Variants in DAB2 observed in about 807,000 individuals in gnomAD.
The protein encoded by DAB2 is disabled homolog 2.
A neutral mutation model predicts 71.6 loss-of-function variants in DAB2; 28 were observed. The observed-to-expected ratio is 0.39, with a 90% CI of 0.29 to 0.54. The LOEUF (loss-of-function observed/expected upper bound fraction) is 0.54, where lower values mean the gene tolerates loss of function less well. Ranked by LOEUF, DAB2 falls within the 20% of genes least tolerant of loss-of-function variation. DAB2 has a pLI of 0.68. For missense variants in DAB2, 867 were observed against 928.8 expected, an observed-to-expected ratio of 0.93 and a Z score of 0.86; for synonymous variants, 345 against 339.7, an observed-to-expected ratio of 1.02 and a Z score of -0.17.
chr5:39,391,631 CACA>C (rs1431781327), intron 4 of DAB2, among the ~76,000 whole-genome samples: 1 of 151,902 alleles, frequency 6.6e-6, no homozygotes, highest in Non-Finnish European at 1.5e-5. Context: ...ATGAGCCACA[CACA>C]ACATTTTAAA....
At position 39,376,630 on chromosome 5, in the gene DAB2, C is replaced by T. The variant is rs560827797; in HGVS notation, c.2137+20G>A. 1 of 1,609,576 alleles carries T rather than the reference C, an allele frequency of 6.2e-7. No homozygotes were observed. Among genetic ancestry groups the T allele is most frequent in the Non-Finnish European group, 8.5e-7 (1 of 1,177,880 alleles). On this transcript the variant is annotated intron_variant, in intron 12 of 14. Transcript: ENST00000320816. ...TGGAGATAGTTGTTGGAACAGTAGG[C>T]AGAGTGGTGAGTGGCTTACCATTGA...
intron 1 of DAB2, among the ~76,000 whole-genome samples, chr5:39,406,809 A>G (rs1755618636): frequency 6.6e-6 from 1 of 152,214 alleles, no homozygotes; most frequent in Non-Finnish European, 1.5e-5. Flanking sequence ...AATTTTCTAA[A>G]GAACGAACAA....
Position 39,382,761 on chromosome 5 carries a change from C to T in DAB2, c.1198G>A (p.Gly400Arg). The change falls in exon 10 of 15, where the codon GGA becomes AGA. Residue 400 changes from glycine to arginine, a missense_variant. Gly to Arg is a moderately radical substitution (Grantham distance 125, BLOSUM62 -2). This residue lies in a region of DAB2 where 740 missense variants were observed against 734.3 expected (regional missense o/e 1.01). Coordinates refer to ENST00000320816, the MANE Select transcript of DAB2 (RefSeq NM_001343.4). ...ATGGACAGTCCTTTGGGAGGGCTTC[C>T]CACAAAAGGGTTCGGGGAGGATTTG... ...SVKSSPNPFV[G>R]SPPKGLSIQN... 6.2e-7 allele frequency: 1 copy of T among 1,614,124 alleles called. No individual in the cohort carries two copies.
At chr5:39,375,284 T>G (rs908754845) in intron 13 of DAB2, among the ~76,000 whole-genome samples, 200 bp from the exon 14 acceptor site, 9 of 152,184 alleles carry the variant, frequency 5.9e-5, no homozygotes, top group Non-Finnish European at 8.8e-5. Flanking sequence ...AAATCAAGGT[T>G]CAGATGCATT....
At chr5:39,388,679 GT>G in intron 8 of DAB2, 119 bp downstream of exon 8, 1 of 802,342 alleles carries the variant, frequency 1.2e-6, no homozygotes, top group South Asian at 1.8e-5. Context: ...TTGAAAAACA[GT>G]TGTCTCAATT....
At chr5:39,416,698 G>A (rs1327638456) in intron 1 of DAB2, among the ~76,000 whole-genome samples, 2 of 151,928 alleles carry the variant, frequency 1.3e-5, no homozygotes, top group East Asian at 1.9e-4. Flanking sequence ...AGTCTTTACC[G>A]GCCTCTTACC....
chr5:39,379,588 T>A (rs1260593711), intron 11 of DAB2, among the ~76,000 whole-genome samples: 1 of 151,976 alleles, frequency 6.6e-6, no homozygotes, highest in East Asian at 1.9e-4. Flanking sequence ...ATTGAACACA[T>A]TGACAAAGTA....
intron 11 of DAB2, among the ~76,000 whole-genome samples, chr5:39,378,458 C>T (rs1347475882): frequency 4.6e-5 from 7 of 152,144 alleles, no homozygotes; most frequent in Admixed American, 6.5e-5. Flanking sequence ...GGGTTAGGGA[C>T]GTTTATGTTT....
intron 11 of DAB2, among the ~76,000 whole-genome samples, chr5:39,381,125 A>G (rs903727098): frequency 6.6e-6 from 1 of 152,206 alleles, no homozygotes; most frequent in African/African-American, 2.4e-5. Flanking sequence ...AGCCTCTCTT[A>G]TGTCAACCCT....
rs1258096092 is a variant in DAB2, at chr5:39,422,546, A to C, written c.-102+2258T>G. Among the ~76,000 whole-genome samples the C allele has an allele frequency of 6.6e-6, 1 of 152,218 alleles. No individual in the cohort carries two copies. The highest frequency in any genetic ancestry group is 1.5e-5 in the Non-Finnish European group (1 of 68,042). ...AGTGGTAGCAAACTTAGGTTTATGG[A>C]CATATGAGGGTAGAGTTAGAAATGA... On this transcript the variant is annotated intron_variant, in intron 1 of 14. Transcript: ENST00000320816. The surrounding 1 kb of genome is among the most constrained non-coding windows in gnomAD (Gnocchi z 4.1).
At chr5:39,378,251 A>G (rs910997311) in intron 11 of DAB2, among the ~76,000 whole-genome samples, 2 of 152,190 alleles carry the variant, frequency 1.3e-5, no homozygotes, top group African/African-American at 2.4e-5. Flanking sequence ...CGCTCCCTGC[A>G]TCTTGTTCTA....
chr5:39,390,679 T>G (rs1579909819), intron 4 of DAB2, 104 bp from the exon 5 acceptor site: 1 of 765,324 alleles, frequency 1.3e-6, no homozygotes, highest in East Asian at 2.9e-5. Context: ...ATATGAAAAG[T>G]TTAAACCATT....
At chr5:39,394,069 T>A (rs1755298998) in intron 2 of DAB2, among the ~76,000 whole-genome samples, 161 bp downstream of exon 2, 1 of 152,156 alleles carries the variant, frequency 6.6e-6, no homozygotes, top group Non-Finnish European at 1.5e-5. Flanking sequence ...GATGAACCAG[T>A]CTCTTCTCCC....
chr5:39,418,482 A>G (rs1414692916), intron 1 of DAB2: 1 of 152,190 alleles, frequency 6.6e-6, no homozygotes, highest in Non-Finnish European at 1.5e-5. Context: ...TAGAACCGAG[A>G]GGGCAGCTGT....
At chr5:39,393,429 A>C (rs1356389852) in intron 2 of DAB2, 36 bp from the exon 3 acceptor site, 3 of 1,609,808 alleles carry the variant, frequency 1.9e-6, no homozygotes, top group South Asian at 1.1e-5. Context: ...GAAGAATGCT[A>C]GTTCTAATTA....
rs1026956071 is a variant in DAB2 at position 39,424,879 on chromosome 5, C to G, written c.-177G>C. The G allele has an allele frequency of 2.0e-5, 3 of 152,566 alleles. No homozygotes were observed. The highest frequency in any genetic ancestry group is 7.2e-5 in the African/African-American group (3 of 41,438). The allele number at this position is 152,566 out of a possible 1,614,324, so 9.5% of individuals were successfully genotyped here. On this transcript the variant is annotated 5_prime_UTR_variant, in exon 1 of 15. Coordinates refer to ENST00000320816, the MANE Select transcript of DAB2 (RefSeq NM_001343.4). ...CCTCCAGGCTACAGCGCAGCGGATG[C>G]GGCGGGCCTCGCTTAAATAGCCGCC...
intron 8 of DAB2, among the ~76,000 whole-genome samples, chr5:39,388,574 A>G (rs1460837493): frequency 2.0e-5 from 3 of 152,202 alleles, no homozygotes; most frequent in African/African-American, 7.2e-5. Flanking sequence ...CTTAAAAAGT[A>G]TTAGATTAGA....
intron 11 of DAB2, 131 bp from the exon 12 acceptor site, chr5:39,377,413 G>A: frequency 1.1e-6 from 1 of 889,828 alleles, no homozygotes; most frequent in East Asian, 2.5e-5. Context: ...GCTGATATGG[G>A]AAGAATATGA....
chr5:39,409,528 TGTAA>T lies in DAB2; in HGVS notation c.-101-15111_-101-15108del, dbSNP rs1177097472. Among the ~76,000 whole-genome samples the T allele has an allele frequency of 3.9e-5, 6 of 152,320 alleles. No individual in the cohort carries two copies. The East Asian group carries it at 5.8e-4, about 15-fold the overall frequency. On this transcript the variant is annotated intron_variant, in intron 1 of 14. Transcript: ENST00000320816. Reference sequence around the variant, plus strand: ...ATATCAGAATTTTGCTTATAAAGTCTGTAAGTGAGACAGGTTTTGTTTCATGAAT... The same window carrying T: ...ATATCAGAATTTTGCTTATAAAGTCTGTGAGACAGGTTTTGTTTCATGAAT...
Sources: gnomAD v4.1 joint callset for allele counts (sites outside exome capture counted in the v4.1 genomes callset) on GRCh38, gnomAD v4.1.1 for gene constraint, gnomAD v4.1.1 regional missense constraint, Gnocchi (gnomAD v3.1) non-coding constraint, MANE v1.5 for transcripts, NCBI Gene and HGNC (gene_info 2026-07-23, HGNC 2026-07-21) for gene names.